Variants in NSD1 observed in about 807,000 individuals in gnomAD.
The protein encoded by NSD1 is histone-lysine N-methyltransferase, H3 lysine-36 specific.
In NSD1, 26 loss-of-function variants were observed where a neutral mutation model predicts 242.7. The observed-to-expected ratio is 0.11, with a 90% CI of 0.08 to 0.15. The LOEUF is 0.15. Ranked by LOEUF, NSD1 falls within the 10% of genes least tolerant of loss-of-function variation. The probability of loss-of-function intolerance (pLI) is 1.00; values close to 1 mark genes in which losing one functional copy is unlikely to be tolerated. For synonymous variants in NSD1, 1,106 were observed against 1,178.1 expected (o/e 0.94, Z 1.25); for missense variants, 2,495 against 3,272.8 (o/e 0.76, Z 5.80).
chr5:177,244,723 A>G (rs551371841), intron 9 of NSD1, among the ~76,000 whole-genome samples: 1 of 152,308 alleles, frequency 6.6e-6, no homozygotes, highest in South Asian at 2.1e-4. Flanking sequence ...ATATTATTCC[A>G]GATTTGAGCA....
At chr5:177,219,485 C>G (rs1764071324) in intron 5 of NSD1, among the ~76,000 whole-genome samples, 1 of 152,132 alleles carries the variant, frequency 6.6e-6, no homozygotes, top group Non-Finnish European at 1.5e-5. Context: ...GCGCCCGGCC[C>G]TGTCAAAAGA....
At chr5:177,258,272 G>T (rs1434280969) in intron 13 of NSD1, among the ~76,000 whole-genome samples, 1 of 151,296 alleles carries the variant, frequency 6.6e-6, no homozygotes, top group African/African-American at 2.4e-5. Context: ...GAGCCACTGC[G>T]CCCGGCCGGC....
chr5:177,241,429 T>C (rs1182774048), intron 8 of NSD1, among the ~76,000 whole-genome samples: 1 of 151,436 alleles, frequency 6.6e-6, no homozygotes, highest in Non-Finnish European at 1.5e-5. Flanking sequence ...TGCTGGAACC[T>C]GGGAGGCAGA....
At chr5:177,282,403 G>A (rs1401532193) in intron 18 of NSD1, 62 bp from the exon 19 acceptor site, 11 of 1,003,266 alleles carry the variant, frequency 1.1e-5, no homozygotes, top group Admixed American at 1.7e-5. Flanking sequence ...TTAAAAAAAT[G>A]TATACATTTG....
chr5:177,172,980 A>G (rs1182530319), intron 2 of NSD1, among the ~76,000 whole-genome samples: 1 of 151,110 alleles, frequency 6.6e-6, no homozygotes, highest in Non-Finnish European at 1.5e-5. Context: ...AAAAAAAAAA[A>G]AAGAATATTT....
chr5:177,195,018 GT>G (rs1336545691), intron 3 of NSD1, among the ~76,000 whole-genome samples: 1 of 151,990 alleles, frequency 6.6e-6, no homozygotes, highest in Non-Finnish European at 1.5e-5. Context: ...AATTAGCCAG[GT>G]GTGTTGGCAT....
intron 16 of NSD1, among the ~76,000 whole-genome samples, chr5:177,271,039 G>T (rs1757908332): frequency 6.6e-6 from 1 of 152,102 alleles, no homozygotes; most frequent in South Asian, 2.1e-4. Context: ...GAGACTGGGG[G>T]AGAAGGCGGA....
intron 5 of NSD1, among the ~76,000 whole-genome samples, chr5:177,231,463 T>G (rs968738317): frequency 6.6e-6 from 1 of 152,188 alleles, no homozygotes; most frequent in African/African-American, 2.4e-5. Flanking sequence ...TATTATTTTT[T>G]GAGATGGAGG....
intron 5 of NSD1, among the ~76,000 whole-genome samples, chr5:177,233,839 C>G (rs908266484): frequency 6.6e-6 from 1 of 152,174 alleles, no homozygotes; most frequent in Non-Finnish European, 1.5e-5. Context: ...ATGCCATGTG[C>G]TTTCCCTGAA....
chr5:177,219,406 C>T (rs1269930213), intron 5 of NSD1, among the ~76,000 whole-genome samples: 4 of 151,886 alleles, frequency 2.6e-5, no homozygotes, highest in Admixed American at 2.0e-4. Context: ...AGGATGGTCT[C>T]GATTTCCTGA....
chr5:177,135,110 C>G lies in NSD1; in HGVS notation c.7C>G (p.Gln3Glu). The G allele has an allele frequency of 6.2e-7, 1 of 1,614,186 alleles. No individual in the cohort carries two copies. The highest frequency in any genetic ancestry group is 1.1e-5 in the South Asian group (1 of 91,074). The change falls in exon 2 of 23, where the codon CAG becomes GAG. Residue 3 changes from glutamine (Q) to glutamate (E), a missense_variant. Physicochemically the swap from Gln to Glu is conservative, Grantham distance 29 (BLOSUM62 2). This residue lies in a region of NSD1 where 376 missense variants were observed against 367.4 expected (regional missense o/e 1.02). Transcript: ENST00000439151. Reference protein sequence around the residue: MDQTCELPRRNCL... With the variant: MDETCELPRRNCL... ...AGGTTGATGCCGGCCCAGGATGGAT[C>G]AGACCTGTGAACTACCCAGAAGAAA... is the stretch of plus-strand genomic sequence containing the variant.
Position 177,248,253 on chromosome 5 carries a change from G to A in NSD1, c.4570G>A (p.Gly1524Arg), listed in dbSNP as rs772281428. Residue 1524 changes from glycine to arginine, a missense_variant, in exon 11 of 23, where the codon GGG (glycine) becomes AGG (arginine). Gly to Arg is a moderately radical substitution (Grantham distance 125, BLOSUM62 -2). Coordinates refer to ENST00000439151, the MANE Select transcript of NSD1 (RefSeq NM_022455.5). ...TVEEGVEHDP[G>R]MPASKKMQGE... ...TGAGGAAGGTGTAGAACACGATCCCGGGATGCCTGCCTCTAAAAAAATGCA... is the reference window on the plus strand; with the variant it reads ...TGAGGAAGGTGTAGAACACGATCCCAGGATGCCTGCCTCTAAAAAAATGCA... The A allele has an allele frequency of 1.2e-5, 20 of 1,613,936 alleles. No homozygotes were observed. Among genetic ancestry groups the A allele is most frequent in the East Asian group, 6.7e-5 (3 of 44,886 alleles).
chr5:177,134,225 T>G lies in NSD1; in HGVS notation c.-18+273T>G, dbSNP rs1294170944. 7 of 147,828 alleles carry G rather than the reference T, an allele frequency of 4.7e-5. No homozygotes were observed. The highest frequency in any genetic ancestry group is 7.6e-5 in the African/African-American group (3 of 39,442). 9.2% of individuals were successfully genotyped at this position (147,828 alleles called of 1,614,324 possible). On this transcript the variant is annotated intron_variant, in intron 1 of 22. Transcript: ENST00000439151. This position sits in a 1 kb window ranked among gnomAD's most constrained non-coding sequence, Gnocchi z 4.2. ...GCCCCGCCGGCCGCCTGCGAACACC[T>G]CGGCCTCCGCCTCCCCTCAGGTAGC...
chr5:177,235,715 G>A (rs1765390281), intron 5 of NSD1, 106 bp from the exon 6 acceptor site: 1 of 1,433,084 alleles, frequency 7.0e-7, no homozygotes. Flanking sequence ...ATTTTACTAT[G>A]TGGTTTCCCA....
In NSD1 at chr5:177,293,821, T is replaced by G. The variant is rs983178865; in HGVS notation, c.6464-11T>G. ...TTTTCCTAAACTTTTGATTTACTTC[T>G]GTGTTTTCAGGGAAATGGGAATGTC... On this transcript the variant is annotated splice_polypyrimidine_tract_variant and intron_variant, in intron 22 of 22. Transcript: ENST00000439151. 3 of 1,614,052 alleles carry G rather than the reference T, an allele frequency of 1.9e-6. No homozygotes were observed. Among genetic ancestry groups the G allele is most frequent in the African/African-American group, 2.7e-5 (2 of 75,018 alleles).
At chr5:177,184,014 C>T (rs1295488673) in intron 2 of NSD1, among the ~76,000 whole-genome samples, 1 of 152,040 alleles carries the variant, frequency 6.6e-6, no homozygotes, top group African/African-American at 2.4e-5. Context: ...GTATATGTAC[C>T]ACATTTGCTT....
chr5:177,209,544 A>AAG (rs1562204302), intron 4 of NSD1, 92 bp from the exon 5 acceptor site: 13 of 834,792 alleles, frequency 1.6e-5, no homozygotes. Context: ...AAAAAAAAAA[A>AAG]GGAATAAAAA....
In NSD1 at chr5:177,297,021, A is replaced by T. The variant is rs1760300789; in HGVS notation, c.*1562A>T. Reference sequence around the variant, plus strand: ...TCCCAATTTCCTCAAGTTCTTATTGAGGTTACTCCCATCAATTCCACGGAG... The same window carrying T: ...TCCCAATTTCCTCAAGTTCTTATTGTGGTTACTCCCATCAATTCCACGGAG... On this transcript the variant is annotated 3_prime_UTR_variant, in exon 23 of 23. Transcript: ENST00000439151. 2 of 233,304 alleles carry T rather than the reference A, an allele frequency of 8.6e-6. No homozygotes were observed. The highest frequency in any genetic ancestry group is 1.7e-5 in the Non-Finnish European group (2 of 118,038). 14.5% of individuals were successfully genotyped at this position (233,304 alleles called of 1,614,324 possible).
chr5:177,284,766 T>C (rs1375222280), intron 20 of NSD1, among the ~76,000 whole-genome samples: 1 of 152,224 alleles, frequency 6.6e-6, no homozygotes, highest in African/African-American at 2.4e-5. Flanking sequence ...GATTGATCTC[T>C]CACTCTTCCA....
Sources: allele counts gnomAD v4.1 joint callset (sites outside exome capture counted in the v4.1 genomes callset), GRCh38; gene constraint gnomAD v4.1.1; regional missense constraint gnomAD v4.1.1; non-coding constraint Gnocchi (gnomAD v3.1); transcripts MANE v1.5; gene names NCBI Gene and HGNC (gene_info 2026-07-23, HGNC 2026-07-21).